The following GABRA3 variants were observed in gnomAD, a reference collection of about 807,000 sequenced individuals.
GABRA3 encodes gamma-aminobutyric acid type A receptor subunit alpha3, also known as gamma-aminobutyric acid receptor subunit alpha-3.
Under a neutral mutation model 30.1 loss-of-function variants are expected in GABRA3, and 10 were observed. That is an observed-to-expected ratio of 0.33 (90% CI 0.20 to 0.56). The LOEUF is 0.56. GABRA3 is among the 20% of genes least tolerant of loss of function. The pLI is 0.89. For synonymous variants in GABRA3, 151 were observed against 146.8 expected (o/e 1.03, Z -0.21); for missense variants, 233 against 392.0 (o/e 0.59, Z 3.42).
chrX:152,279,251 A>G (rs756331583), intron 4 of GABRA3, among the ~76,000 whole-genome samples: 1 of 112,018 alleles, frequency 8.9e-6, no homozygotes, highest in Admixed American at 9.5e-5. Context: ...TAGGTCTAAC[A>G]TTTAAGTCTT....
chrX:152,232,049 T>C (rs1938091480), intron 5 of GABRA3, among the ~76,000 whole-genome samples: 1 of 111,612 alleles, frequency 9.0e-6, no homozygotes. Flanking sequence ...TTGGAAGTGA[T>C]AGTATGTTCT....
At chrX:152,395,977 T>C (rs1489289541) in intron 1 of GABRA3, among the ~76,000 whole-genome samples, 3 of 112,041 alleles carry the variant, frequency 2.7e-5, no homozygotes, top group Non-Finnish European at 5.6e-5. Flanking sequence ...ATGGGTTGAA[T>C]TGTGTTCTAC....
chrX:152,393,821 A>G (rs776302233), intron 1 of GABRA3, among the ~76,000 whole-genome samples: 6 of 111,944 alleles, frequency 5.4e-5, no homozygotes, highest in Non-Finnish European at 9.4e-5. Context: ...GATGCTGATA[A>G]TAAAATAGCA....
At chrX:152,268,521 T>C (rs1273739041) in intron 4 of GABRA3, among the ~76,000 whole-genome samples, 1 of 112,359 alleles carries the variant, frequency 8.9e-6, no homozygotes, top group Non-Finnish European at 1.9e-5. Context: ...CTTTCCTTTA[T>C]AAATTACCCA....
intron 5 of GABRA3, among the ~76,000 whole-genome samples, chrX:152,229,588 G>A (rs1477502242): frequency 9.1e-6 from 1 of 110,147 alleles, no homozygotes; most frequent in Admixed American, 9.9e-5. Flanking sequence ...CAGTGCAAAG[G>A]CCCTGAGGTA....
intron 5 of GABRA3, among the ~76,000 whole-genome samples, chrX:152,252,793 T>C (rs1938579376): frequency 9.0e-6 from 1 of 111,257 alleles, no homozygotes; most frequent in Non-Finnish European, 1.9e-5. Context: ...TTCTATGTCA[T>C]CTTCAATAAG....
At chrX:152,379,930 C>A (rs956714028) in intron 1 of GABRA3, among the ~76,000 whole-genome samples, 1 of 110,313 alleles carries the variant, frequency 9.1e-6, no homozygotes, top group East Asian at 2.9e-4. Flanking sequence ...CTCTGCCTCC[C>A]GGGTTCAAGC....
At chrX:152,263,764 G>A (rs1400105408) in intron 4 of GABRA3, among the ~76,000 whole-genome samples, 1 of 111,226 alleles carries the variant, frequency 9.0e-6, no homozygotes, top group Non-Finnish European at 1.9e-5. Flanking sequence ...ACTCAAAGAA[G>A]ACTACTTCAA....
Position 152,296,703 on chromosome X carries a change from CT to C in GABRA3, c.263-11969del, listed in dbSNP as rs1255241711. Among the ~76,000 whole-genome samples, 337 of 100,574 alleles carry C rather than the reference CT, an allele frequency of 3.4e-3. 1 individual carries two copies. The highest frequency in any genetic ancestry group is 4.5e-3 in the African/African-American group (127 of 27,965). 87.3% of individuals were successfully genotyped at this position (100,574 alleles called of 115,157 possible). On this transcript the variant is annotated intron_variant, in intron 3 of 9. Coordinates refer to ENST00000370314, the MANE Select transcript of GABRA3 (RefSeq NM_000808.4). ...ATCAGCTGCTTTTCCTTTTCTTTCT[CT>C]TTTTTTTTTTTTTGAGACAGAGTCT...
chrX:152,256,100 C>A, intron 4 of GABRA3, 102 bp from the exon 5 acceptor site: 2 of 567,256 alleles, frequency 3.5e-6, no homozygotes, highest in East Asian at 7.0e-5. Flanking sequence ...TCCTCTGATG[C>A]AGAGAAGCAG....
intron 1 of GABRA3, among the ~76,000 whole-genome samples, chrX:152,388,330 T>A (rs1023616539): frequency 9.0e-6 from 1 of 111,724 alleles, no homozygotes; most frequent in East Asian, 2.8e-4. Flanking sequence ...GCCCACCTGA[T>A]CATGGTGTAT....
At chrX:152,405,383 A>G (rs1339063456) in intron 1 of GABRA3, among the ~76,000 whole-genome samples, 1 of 109,832 alleles carries the variant, frequency 9.1e-6, no homozygotes, top group African/African-American at 3.3e-5. Context: ...GGGGCCCCAA[A>G]TAAACTTAAG....
chrX:152,276,710 A>T (rs1180919298), intron 4 of GABRA3, among the ~76,000 whole-genome samples: 1 of 112,091 alleles, frequency 8.9e-6, no homozygotes, highest in Non-Finnish European at 1.9e-5. Context: ...AGAGTAAAAT[A>T]CACAAAAAAG....
chrX:152,201,015 G>A lies in GABRA3; in HGVS notation c.779-3230C>T, dbSNP rs141415528. 0.018 allele frequency among the ~76,000 whole-genome samples: 1,979 copies of A among 112,052 alleles called. 85 individuals are homozygous for A. The East Asian group carries it at 0.21, about 12-fold the overall frequency. ...TCTGTCCTTGTATTGGAGGCTATCC[G>A]GGTCCAGTGTGAAATTGTCAAAGGG... is the stretch of plus-strand genomic sequence containing the variant. On this transcript the variant is annotated intron_variant, in intron 7 of 9. Transcript: ENST00000370314.
intron 1 of GABRA3, among the ~76,000 whole-genome samples, chrX:152,412,365 G>GTA (rs1251940943): frequency 9.0e-6 from 1 of 111,564 alleles, no homozygotes. Flanking sequence ...ATGAAAAATT[G>GTA]TACATGAATG....
At chrX:152,339,341 C>T (rs1254154095) in intron 3 of GABRA3, among the ~76,000 whole-genome samples, 1 of 109,028 alleles carries the variant, frequency 9.2e-6, no homozygotes, top group Non-Finnish European at 1.9e-5. Context: ...AATTCTCCTG[C>T]CTCAGCCTCC....
chrX:152,244,840 A>T (rs1050166744), intron 5 of GABRA3, among the ~76,000 whole-genome samples: 2 of 111,924 alleles, frequency 1.8e-5, no homozygotes, highest in East Asian at 2.8e-4. Flanking sequence ...TTAAAGAATT[A>T]AAAAAATCTG....
chrX:152,290,457 G>C (rs995761813), intron 3 of GABRA3, among the ~76,000 whole-genome samples: 33 of 111,717 alleles, frequency 3.0e-4, no homozygotes, highest in Non-Finnish European at 5.3e-4. Flanking sequence ...CTCCCATTCT[G>C]TAGGTTGCCT....
At chrX:152,266,407 A>G (rs1262278631) in intron 4 of GABRA3, among the ~76,000 whole-genome samples, 1 of 112,272 alleles carries the variant, frequency 8.9e-6, no homozygotes, top group Non-Finnish European at 1.9e-5. Flanking sequence ...TTGATGCTGA[A>G]AAAGCATTTG....
Sources: gnomAD v4.1 joint callset for allele counts (sites outside exome capture counted in the v4.1 genomes callset) on GRCh38, gnomAD v4.1.1 for gene constraint, MANE v1.5 for transcripts, NCBI Gene and HGNC (gene_info 2026-07-23, HGNC 2026-07-21) for gene names.